PDE4D: variants seen among roughly 807,000 people sequenced by gnomAD.
The protein encoded by PDE4D is phosphodiesterase 4D.
PDE4D carries 24 observed loss-of-function variants against 87.4 expected under a neutral mutation model. The observed-to-expected ratio is 0.27, with a 90% CI of 0.20 to 0.39. The LOEUF (loss-of-function observed/expected upper bound fraction) is 0.39. PDE4D is among the 10% of genes least tolerant of loss of function. PDE4D has a pLI of 1.00. For missense variants in PDE4D, 714 were observed against 1,041.0 expected (o/e 0.69, Z 4.32); for synonymous variants, 384 against 383.2 (o/e 1.00, Z -0.02).
At chr5:60,320,180 G>T (rs1448936789) in intron 1 of PDE4D, among the ~76,000 whole-genome samples, 1 of 152,238 alleles carries the variant, frequency 6.6e-6, no homozygotes, top group Admixed American at 6.5e-5. Flanking sequence ...CCTGGGCAAT[G>T]GCGGGAGCCC....
chr5:60,311,710 A>T (rs1755056050), intron 1 of PDE4D, among the ~76,000 whole-genome samples: 1 of 152,208 alleles, frequency 6.6e-6, no homozygotes, highest in Non-Finnish European at 1.5e-5. Context: ...AACTCCACAC[A>T]TGTCAATGTT....
chr5:59,176,462 G>A (rs1783902556), intron 5 of PDE4D, among the ~76,000 whole-genome samples: 1 of 151,926 alleles, frequency 6.6e-6, no homozygotes, highest in Admixed American at 6.6e-5. Flanking sequence ...GCTGAGGCAG[G>A]AGAATTGCTT....
chr5:60,159,468 A>C (rs1033531864), intron 2 of PDE4D, among the ~76,000 whole-genome samples: 9 of 152,192 alleles, frequency 5.9e-5, no homozygotes, highest in Admixed American at 1.3e-4. Flanking sequence ...TACTGTACAT[A>C]ACTGTATGTA....
intron 1 of PDE4D, among the ~76,000 whole-genome samples, chr5:59,482,058 A>T (rs1804362658): frequency 6.6e-6 from 1 of 152,048 alleles, no homozygotes; most frequent in African/African-American, 2.4e-5. Context: ...ATAAAAAAAA[A>T]TTTCTTTTCA....
chr5:59,223,879 T>G (rs1035663590), intron 1 of PDE4D, among the ~76,000 whole-genome samples: 1 of 152,054 alleles, frequency 6.6e-6, no homozygotes, highest in Non-Finnish European at 1.5e-5. Flanking sequence ...TTTACAAGAT[T>G]ACACAGCTAA....
chr5:60,084,041 T>C (rs1265850081), intron 2 of PDE4D, among the ~76,000 whole-genome samples: 2 of 152,244 alleles, frequency 1.3e-5, no homozygotes, highest in African/African-American at 2.4e-5. Flanking sequence ...GTTCACTTTT[T>C]CATACATTAT....
chr5:59,807,695 C>A (rs191996563), intron 1 of PDE4D, among the ~76,000 whole-genome samples: 5 of 152,148 alleles, frequency 3.3e-5, no homozygotes, highest in Admixed American at 1.3e-4. Flanking sequence ...CAGATAGAAC[C>A]GAAACATTCA....
chr5:59,701,294 G>T (rs1752520750), intron 1 of PDE4D, among the ~76,000 whole-genome samples: 1 of 152,136 alleles, frequency 6.6e-6, no homozygotes, highest in Admixed American at 6.6e-5. Flanking sequence ...CTTCTGCATA[G>T]TGCTAATCAC....
intron 1 of PDE4D, among the ~76,000 whole-genome samples, chr5:59,287,250 G>C (rs911057754): frequency 6.6e-6 from 1 of 152,168 alleles, no homozygotes; most frequent in Non-Finnish European, 1.5e-5. Context: ...CCTGGGCCTT[G>C]AATGAACATC....
At chr5:59,503,135 G>A (rs1053383560) in intron 1 of PDE4D, among the ~76,000 whole-genome samples, 1 of 152,080 alleles carries the variant, frequency 6.6e-6, no homozygotes, top group Non-Finnish European at 1.5e-5. Flanking sequence ...AGCAAAAAAG[G>A]TTAGGCTACA....
intron 1 of PDE4D, among the ~76,000 whole-genome samples, chr5:59,228,995 C>CATT (rs1561763105): frequency 2.0e-5 from 3 of 151,760 alleles, no homozygotes; most frequent in African/African-American, 7.3e-5. Context: ...AACCTCCTAA[C>CATT]CTTTTTTTTT....
chr5:59,495,243 C>T (rs1300783034), intron 1 of PDE4D, among the ~76,000 whole-genome samples: 1 of 152,174 alleles, frequency 6.6e-6, no homozygotes, highest in Non-Finnish European at 1.5e-5. Flanking sequence ...AAGTAGTCTC[C>T]CCACTTGCAT....
intron 1 of PDE4D, among the ~76,000 whole-genome samples, chr5:60,299,479 C>G (rs1753706753): frequency 6.6e-6 from 1 of 152,134 alleles, no homozygotes; most frequent in Non-Finnish European, 1.5e-5. Context: ...GTGGTTGCTG[C>G]ACAGATCATC....
At chr5:59,640,368 A>C (rs1295570635) in intron 1 of PDE4D, among the ~76,000 whole-genome samples, 1 of 152,202 alleles carries the variant, frequency 6.6e-6, no homozygotes, top group African/African-American at 2.4e-5. Flanking sequence ...AGCTGCATTA[A>C]GTCAATCAAT....
chr5:59,323,142 A>C (rs1298262455), intron 1 of PDE4D, among the ~76,000 whole-genome samples: 1 of 152,086 alleles, frequency 6.6e-6, no homozygotes, highest in African/African-American at 2.4e-5. Flanking sequence ...AATATGCTTC[A>C]TGTAGTGTAC....
chr5:60,283,404 C>T (rs541351564), intron 1 of PDE4D, among the ~76,000 whole-genome samples: 44 of 152,206 alleles, frequency 2.9e-4, no homozygotes, highest in Admixed American at 7.9e-4. Context: ...AAATTATGTT[C>T]TTAGTTTCAT....
chr5:59,494,653 T>C (rs181897066), intron 1 of PDE4D, among the ~76,000 whole-genome samples: 1 of 152,318 alleles, frequency 6.6e-6, no homozygotes, highest in African/African-American at 2.4e-5. Flanking sequence ...TTACTAAGGT[T>C]GCACAGTCTT....
intron 5 of PDE4D, 170 bp from the exon 6 acceptor site, chr5:59,039,141 G>A (rs537036928): frequency 5.1e-6 from 7 of 1,360,080 alleles, no homozygotes; most frequent in Admixed American, 7.1e-5. Flanking sequence ...GGGGGCGGAG[G>A]CTGTGCTCGC....
chr5:59,338,090 A>C (rs1778046898), intron 1 of PDE4D, among the ~76,000 whole-genome samples: 1 of 152,226 alleles, frequency 6.6e-6, no homozygotes, highest in African/African-American at 2.4e-5. Context: ...TAACCTCTCA[A>C]ATATTCTTTA....
Sources: gnomAD v4.1 joint callset for allele counts (sites outside exome capture counted in the v4.1 genomes callset) on GRCh38, gnomAD v4.1.1 for gene constraint, MANE v1.5 for transcripts, NCBI Gene and HGNC (gene_info 2026-07-23, HGNC 2026-07-21) for gene names.